The following CUX1 variants were observed in gnomAD, a reference collection of about 807,000 sequenced individuals.
The protein encoded by CUX1 is cut like homeobox 1.
A neutral mutation model predicts 158.8 loss-of-function variants in CUX1; 31 were observed. The ratio of observed to expected loss-of-function variants is 0.20; its 90% CI spans 0.15 to 0.26. The LOEUF is 0.26. Ranked by LOEUF, CUX1 falls within the 10% of genes least tolerant of loss-of-function variation. The probability of loss-of-function intolerance (pLI) is 1.00; values close to 1 mark genes in which losing one functional copy is unlikely to be tolerated. For missense variants in CUX1, 1,589 were observed against 2,014.6 expected (o/e 0.79, Z 4.04); for synonymous variants, 879 against 862.1 (o/e 1.02, Z -0.34).
Position 102,280,958 on chromosome 7 carries a change from G to A in CUX1, c.1821+98G>A, listed in dbSNP as rs548000235. The A allele has an allele frequency of 1.5e-4, 157 of 1,081,522 alleles. 1 individual carries two copies. The African/African-American group carries it at 1.9e-3, about 13-fold the overall frequency. The allele number at this position is 1,081,522 out of a possible 1,614,324, so 67.0% of individuals were successfully genotyped here. On this transcript the variant is annotated intron_variant, in intron 20 of 22. Coordinates refer to the CUX1 transcript ENST00000292538. The stretch of plus-strand genomic sequence containing the variant: ...CCCTGCAGCCCAGGCTGGAGGAGCC[G>A]CCAGCCCTGCCAAGAGTGGCTGTGT...
At chr7:101,860,207 T>C (rs986172429) in intron 1 of CUX1, among the ~76,000 whole-genome samples, 3 of 152,100 alleles carry the variant, frequency 2.0e-5, no homozygotes, top group African/African-American at 7.2e-5. Flanking sequence ...CTTAAGAAAA[T>C]GTTTTCCTGG....
At position 102,274,339 on chromosome 7, in the gene CUX1, GGGA is replaced by G. The variant is rs556723796; in HGVS notation, c.1450+38_1450+40del. ...AGGAGAGGCCTGACCCATGGGAGGAGGGAGGAGGAGGGAAGAGGAGACAGGTGA... is the reference window on the plus strand; with the variant it reads ...AGGAGAGGCCTGACCCATGGGAGGAGGGAGGAGGGAAGAGGAGACAGGTGA... On this transcript the variant is annotated intron_variant, in intron 16 of 22. Transcript: ENST00000292538. The G allele has an allele frequency of 2.1e-4, 331 of 1,587,714 alleles. 1 individual carries two copies. The African/African-American group carries it at 3.5e-3, about 17-fold the overall frequency.
Position 102,126,980 on chromosome 7 carries a change from G to A in CUX1, c.674+11707G>A, listed in dbSNP as rs140090892. On this transcript the variant is annotated intron_variant, in intron 8 of 23. Transcript: ENST00000292535. The stretch of plus-strand genomic sequence containing the variant: ...AAGGAGTGTGCAGCCTAGATCCCTC[G>A]CATGCGCAGTTCACAGTAGGGTTTG... Among the ~76,000 whole-genome samples the A allele has an allele frequency of 4.8e-3, 735 of 152,226 alleles. 6 individuals carry two copies. The highest frequency in any genetic ancestry group is 0.017 in the African/African-American group (705 of 41,540).
chr7:102,032,514 C>A (rs930411474), intron 3 of CUX1, among the ~76,000 whole-genome samples: 1 of 151,776 alleles, frequency 6.6e-6, no homozygotes, highest in Non-Finnish European at 1.5e-5. Flanking sequence ...ACTAAACATA[C>A]AAAAATTAGG....
intron 1 of CUX1, among the ~76,000 whole-genome samples, chr7:101,859,990 CCCTA>C (rs1229868101): frequency 7.0e-6 from 1 of 142,384 alleles, no homozygotes; most frequent in Non-Finnish European, 1.5e-5. Context: ...CTCCCTCCCT[CCCTA>C]CCTTCCTCCC....
At chr7:101,864,554 AT>A (rs1797763246) in intron 1 of CUX1, among the ~76,000 whole-genome samples, 1 of 150,136 alleles carries the variant, frequency 6.7e-6, no homozygotes, top group Admixed American at 6.6e-5. Context: ...ATAGATAGTT[AT>A]TTTTATTTTT....
Position 102,257,317 on chromosome 7 carries a change from T to C in CUX1, c.*8275T>C, listed in dbSNP as rs1452690785. On this transcript the variant is annotated 3_prime_UTR_variant, in exon 24 of 24. Coordinates refer to ENST00000292535, the MANE Select transcript of CUX1 (RefSeq NM_181552.4). ...ATCTCCCCAGAAGCCTTTTTTTTTT[T>C]CATTTTTCTCTAATTAGTCTATGCA... The C allele has an allele frequency of 3.0e-6, 3 of 984,728 alleles. No homozygotes were observed. Among genetic ancestry groups the C allele is most frequent in the Non-Finnish European group, 3.6e-6 (3 of 829,786 alleles). The allele number at this position is 984,728 out of a possible 1,614,324, so 61.0% of individuals were successfully genotyped here. A position where few individuals can be genotyped will look rare whatever the true frequency, so the allele number is the denominator to read the frequency against.
intron 23 of CUX1, among the ~76,000 whole-genome samples, chr7:102,241,990 C>T (rs2132525327): frequency 6.6e-6 from 1 of 152,286 alleles, no homozygotes; most frequent in African/African-American, 2.4e-5. Context: ...AGTCCAGGAG[C>T]TGCACAGCCA....
intron 11 of CUX1, among the ~76,000 whole-genome samples, chr7:102,183,783 G>T (rs979400516): frequency 9.2e-5 from 14 of 152,192 alleles, no homozygotes; most frequent in Non-Finnish European, 1.6e-4. Context: ...ATGCCACTCT[G>T]CCCCCACGGT....
chr7:101,830,255 C>T (rs1287259398), intron 1 of CUX1, among the ~76,000 whole-genome samples: 1 of 152,194 alleles, frequency 6.6e-6, no homozygotes, highest in Admixed American at 6.5e-5. Flanking sequence ...GGGGCAGCAC[C>T]CACCACGCAG....
chr7:102,226,618 G>A (rs929255546), intron 20 of CUX1, among the ~76,000 whole-genome samples: 5 of 150,298 alleles, frequency 3.3e-5, no homozygotes, highest in African/African-American at 5.0e-5. Flanking sequence ...TTATGTTTCC[G>A]CAGTTGTTGT....
rs763156684 is a variant in CUX1 at position 101,913,443 on chromosome 7, G to C, written c.31-2672G>C. The C allele has an allele frequency of 7.3e-6, 9 of 1,235,994 alleles. No individual in the cohort carries two copies. The African/African-American group carries it at 1.1e-4, about 15-fold the overall frequency. The allele number at this position is 1,235,994 out of a possible 1,614,324, so 76.6% of individuals were successfully genotyped here. A position where few individuals can be genotyped will look rare whatever the true frequency, so the allele number is the denominator to read the frequency against. ...CTCTGCAGCCCCGGGATCAAGGTGG[G>C]TTCACCTTGCACCGGGCCACCTGTT... On this transcript the variant is annotated intron_variant, in intron 1 of 23. Coordinates refer to ENST00000292535, the MANE Select transcript of CUX1 (RefSeq NM_181552.4).
rs55753644 is a variant in CUX1, at chr7:102,046,569, A to ATTTTTTTTTTTTTTTT, written c.189+18436_189+18451dup. ...CCTGTTCTGTTTTGGTTTGGTTTGG[A>ATTTTTTTTTTTTTTTT]TTTTTTTTTTTTTTTTTTTTTTTTT... is the stretch of plus-strand genomic sequence containing the variant. On this transcript the variant is annotated intron_variant, in intron 3 of 23. Coordinates refer to ENST00000292535, the MANE Select transcript of CUX1 (RefSeq NM_181552.4). 7.0e-3 allele frequency among the ~76,000 whole-genome samples: 391 copies of ATTTTTTTTTTTTTTTT among 55,470 alleles called. 38 individuals carry two copies. The highest frequency in any genetic ancestry group is 9.1e-3 in the Non-Finnish European group (283 of 31,054). The allele number at this position is 55,470 out of a possible 152,430, so 36.4% of individuals were successfully genotyped here. A position where few individuals can be genotyped will look rare whatever the true frequency, so the allele number is the denominator to read the frequency against.
rs782644632 is a variant in CUX1 at position 102,196,809 on chromosome 7, A to G, written c.1398A>G (p.Ala466=). The G allele has an allele frequency of 1.2e-6, 2 of 1,614,184 alleles. No individual in the cohort carries two copies. Among genetic ancestry groups the G allele is most frequent in the Non-Finnish European group, 1.7e-6 (2 of 1,180,036 alleles). ...AAGACTTTTTCAGCTCATCCCTGGC[A>G]AGCCCCAGCCTACCCCTGGCTTCTA... The part of the protein sequence containing the change: ...LSQDFFSSSL[A]SPSLPLASTG... Residue 466 remains alanine (A), a synonymous_variant, in exon 15 of 24, where the codon GCA becomes GCG. Coordinates refer to ENST00000292535, the MANE Select transcript of CUX1 (RefSeq NM_181552.4).
chr7:102,269,325 T>C (rs1791038371), intron 14 of CUX1, among the ~76,000 whole-genome samples: 1 of 152,154 alleles, frequency 6.6e-6, no homozygotes, highest in Non-Finnish European at 1.5e-5. Context: ...CCAAACTATA[T>C]AATTCCACCC....
At chr7:101,825,322 G>T (rs906769351) in intron 1 of CUX1, among the ~76,000 whole-genome samples, 1 of 152,180 alleles carries the variant, frequency 6.6e-6, no homozygotes. Flanking sequence ...TATTTCAGCC[G>T]TATCTCAACT....
At chr7:102,267,199 C>T (rs1171363703) in intron 14 of CUX1, among the ~76,000 whole-genome samples, 1 of 152,066 alleles carries the variant, frequency 6.6e-6, no homozygotes, top group South Asian at 2.1e-4. Flanking sequence ...CCATGTGCAC[C>T]GAGCGTCTCC....
intron 1 of CUX1, among the ~76,000 whole-genome samples, chr7:101,834,276 C>T (rs2906746): frequency 0.15 from 21,986 of 146,110 alleles, 1,738 homozygotes; most frequent in Non-Finnish European, 0.18. Context: ...TGGGTTCAAG[C>T]GATTCTCCCG....
chr7:102,243,275 A>G (rs2009805097), intron 23 of CUX1, among the ~76,000 whole-genome samples: 1 of 152,106 alleles, frequency 6.6e-6, no homozygotes, highest in South Asian at 2.1e-4. Flanking sequence ...CTCTGTCTCA[A>G]AAAAATAAAT....
Sources: gnomAD v4.1 joint callset for allele counts (sites outside exome capture counted in the v4.1 genomes callset) on GRCh38, gnomAD v4.1.1 for gene constraint, MANE v1.5 for transcripts, NCBI Gene and HGNC (gene_info 2026-07-23, HGNC 2026-07-21) for gene names.